GLIS3: variants seen among roughly 807,000 people sequenced by gnomAD.
The protein encoded by GLIS3 is GLIS family zinc finger 3, also known as zinc finger protein GLIS3.
In GLIS3, 53 loss-of-function variants were observed where a neutral mutation model predicts 78.6. The ratio of observed to expected loss-of-function variants is 0.67; its 90% CI spans 0.54 to 0.85. GLIS3 has a LOEUF of 0.85. Among genes scored for constraint, GLIS3 ranks in the 40% least tolerant of loss-of-function variants. The pLI, the probability that GLIS3 is intolerant of heterozygous loss-of-function variation, is 0.00. For synonymous variants in GLIS3, 684 were observed against 509.9 expected (o/e 1.34, Z -4.60); for missense variants, 1,703 against 1,231.1 (o/e 1.38, Z -5.74).
intron 8 of GLIS3, among the ~76,000 whole-genome samples, chr9:3,860,124 T>C (rs1322972899): frequency 6.6e-6 from 1 of 151,312 alleles, no homozygotes; most frequent in African/African-American, 2.4e-5. Flanking sequence ...AGATACAAAA[T>C]ATTAGCCGGG....
At position 3,856,202 on chromosome 9, in the gene GLIS3, A is replaced by C; in HGVS notation, c.2298-18T>G. The C allele has an allele frequency of 6.2e-7, 1 of 1,609,108 alleles. No individual in the cohort carries two copies. Among genetic ancestry groups the C allele is most frequent in the Non-Finnish European group, 8.5e-7 (1 of 1,177,300 alleles). On this transcript the variant is annotated intron_variant, in intron 8 of 10. Transcript: ENST00000381971. Reference sequence around the variant, plus strand: ...GTGCAAACCTGAGAAAACAATTATAAAAGGAAACATGAGGGACATAAAACA... The same window carrying C: ...GTGCAAACCTGAGAAAACAATTATACAAGGAAACATGAGGGACATAAAACA...
chr9:3,968,572 T>C (rs1818137441), intron 4 of GLIS3, among the ~76,000 whole-genome samples: 3 of 152,264 alleles, frequency 2.0e-5, no homozygotes, highest in South Asian at 4.1e-4. Flanking sequence ...AAAGCTAAGG[T>C]ATTGTATTTT....
intron 8 of GLIS3, among the ~76,000 whole-genome samples, chr9:3,870,231 A>C (rs1312208856): frequency 3.3e-5 from 5 of 152,342 alleles, no homozygotes; most frequent in African/African-American, 9.6e-5. Flanking sequence ...AAATTTTTCA[A>C]ATTGTAATCA....
chr9:3,999,333 T>C (rs1467140288), intron 4 of GLIS3, among the ~76,000 whole-genome samples: 1 of 152,202 alleles, frequency 6.6e-6, no homozygotes, highest in Non-Finnish European at 1.5e-5. Context: ...CAGATTTGCA[T>C]GCAATTTCCC....
At chr9:3,984,309 G>A (rs897106590) in intron 4 of GLIS3, among the ~76,000 whole-genome samples, 5 of 152,200 alleles carry the variant, frequency 3.3e-5, no homozygotes, top group African/African-American at 7.2e-5. Flanking sequence ...GCTATACCCC[G>A]CAAAGCCACG....
intron 2 of GLIS3, among the ~76,000 whole-genome samples, chr9:4,325,862 T>A (rs1460629947): frequency 6.6e-6 from 1 of 152,218 alleles, no homozygotes; most frequent in Admixed American, 6.5e-5. Flanking sequence ...CATGTAATAT[T>A]ATGCAGCCAT....
At chr9:4,125,502 C>T (rs1832504009) in intron 3 of GLIS3, among the ~76,000 whole-genome samples, 1 of 152,120 alleles carries the variant, frequency 6.6e-6, no homozygotes, top group South Asian at 2.1e-4. Flanking sequence ...ATTCATGTCA[C>T]TCACACCACA....
Position 4,118,396 on chromosome 9 carries a change from T to C in GLIS3, c.1082A>G (p.Gln361Arg), listed in dbSNP as rs1831891005. 2 of 1,605,074 alleles carry C rather than the reference T, an allele frequency of 1.2e-6. No individual in the cohort carries two copies. The highest frequency in any genetic ancestry group is 1.7e-6 in the Non-Finnish European group (2 of 1,178,864). Residue 361 changes from glutamine (Q) to arginine (R), a missense_variant, in exon 4 of 11, where the codon CAG (glutamine) becomes CGG (arginine). Gln to Arg is a conservative substitution (Grantham distance 43). Transcript: ENST00000381971. The surrounding 1 kb of genome is among the most constrained non-coding windows in gnomAD (Gnocchi z 4.7). Reference sequence around the variant, plus strand: ...CTGGCTGCCGGGCACCGGGCGCGGCTGGGGAATGCAGCTGCCGCGCACGCC... The same window carrying C: ...CTGGCTGCCGGGCACCGGGCGCGGCCGGGGAATGCAGCTGCCGCGCACGCC... Reference protein sequence around the residue: ...FLGVRGSCIPQPRPVPGSQKG... With the variant: ...FLGVRGSCIPRPRPVPGSQKG...
intron 2 of GLIS3, among the ~76,000 whole-genome samples, chr9:4,271,394 C>T (rs759457818): frequency 6.6e-6 from 1 of 152,122 alleles, no homozygotes; most frequent in Non-Finnish European, 1.5e-5. Flanking sequence ...GCACCCCTAA[C>T]CTCCATATTG....
chr9:4,321,461 A>AAAAAAAAAT (rs1563932116), intron 2 of GLIS3, among the ~76,000 whole-genome samples: 1 of 140,920 alleles, frequency 7.1e-6, no homozygotes, highest in African/African-American at 2.7e-5. Context: ...AAAAAAAAAA[A>AAAAAAAAAT]AATCAGGTGC....
chr9:4,164,933 G>C (rs1209473638), intron 2 of GLIS3, among the ~76,000 whole-genome samples: 1 of 152,278 alleles, frequency 6.6e-6, no homozygotes, highest in East Asian at 1.9e-4. Flanking sequence ...GAAGTGAAGG[G>C]AAGTGAAGAG....
the GLIS3 span, among the ~76,000 whole-genome samples, chr9:4,359,630 G>C: frequency 2.6e-5 from 4 of 152,162 alleles, no homozygotes; most frequent in African/African-American, 9.7e-5. Flanking sequence ...GTACCCGTGA[G>C]ATCCAAGACC....
chr9:3,831,154 C>A (rs1818021191), intron 9 of GLIS3, among the ~76,000 whole-genome samples: 2 of 149,698 alleles, frequency 1.3e-5, no homozygotes, highest in South Asian at 4.5e-4. Context: ...AAAGAAAAAT[C>A]CACATACGGT....
chr9:4,196,492 G>A (rs932511117), intron 2 of GLIS3, among the ~76,000 whole-genome samples: 2 of 152,204 alleles, frequency 1.3e-5, no homozygotes, highest in African/African-American at 4.8e-5. Flanking sequence ...TTTATGAGCT[G>A]TAACCCTCAC....
At chr9:4,139,367 A>C (rs993873194) in intron 2 of GLIS3, among the ~76,000 whole-genome samples, 1 of 152,244 alleles carries the variant, frequency 6.6e-6, no homozygotes, top group Non-Finnish European at 1.5e-5. Flanking sequence ...AGAACAATTC[A>C]TAAGTCAAGT....
chr9:4,478,276 C>A, the GLIS3 span, among the ~76,000 whole-genome samples: 2 of 152,156 alleles, frequency 1.3e-5, no homozygotes, highest in African/African-American at 4.8e-5. Flanking sequence ...TAAATCTATC[C>A]AAAACACATA....
chr9:4,257,851 G>C (rs1486599204), intron 2 of GLIS3, among the ~76,000 whole-genome samples: 2 of 152,052 alleles, frequency 1.3e-5, no homozygotes, highest in East Asian at 1.9e-4. Flanking sequence ...GGGATTACAG[G>C]TGTGAGCCAT....
chr9:3,896,304 G>T (rs1822824490), intron 7 of GLIS3, among the ~76,000 whole-genome samples: 1 of 152,148 alleles, frequency 6.6e-6, no homozygotes, highest in African/African-American at 2.4e-5. Flanking sequence ...AAAACAAAAG[G>T]CGTAACATTT....
At chr9:4,169,364 A>G (rs10974361) in intron 2 of GLIS3, among the ~76,000 whole-genome samples, 386 of 152,222 alleles carry the variant, frequency 2.5e-3, no homozygotes, top group Non-Finnish European at 4.2e-3. Context: ...ATAACTCCAC[A>G]GTGTTGTCAG....
Sources: gnomAD v4.1 joint callset for allele counts (sites outside exome capture counted in the v4.1 genomes callset) on GRCh38, gnomAD v4.1.1 for gene constraint, Gnocchi (gnomAD v3.1) non-coding constraint, MANE v1.5 for transcripts, NCBI Gene and HGNC (gene_info 2026-07-23, HGNC 2026-07-21) for gene names.